Variants in MDFIC2 observed in about 807,000 individuals in gnomAD.
MDFIC2 encodes the protein MyoD family inhibitor domain containing 2.
chr3:70,284,741 A>G (rs1227913990), intron 2 of MDFIC2, among the ~76,000 whole-genome samples: 3 of 152,076 alleles, frequency 2.0e-5, no homozygotes, highest in Non-Finnish European at 4.4e-5. Flanking sequence ...ACTGGGGCCT[A>G]TTGGAGGGTG....
chr3:70,213,097 C>A (rs563238770), intron 2 of MDFIC2, among the ~76,000 whole-genome samples: 1 of 152,146 alleles, frequency 6.6e-6, no homozygotes, highest in East Asian at 1.9e-4. Flanking sequence ...GCATGAGCCA[C>A]CATGTCTGGC....
chr3:70,302,870 A>G (rs186373219), intron 2 of MDFIC2, among the ~76,000 whole-genome samples: 249 of 152,290 alleles, frequency 1.6e-3, no homozygotes, highest in African/African-American at 5.7e-3. Context: ...ATCATTTTAT[A>G]TGAAATGAAC....
chr3:70,242,813 A>C (rs1221451535), intron 2 of MDFIC2, among the ~76,000 whole-genome samples: 3 of 152,102 alleles, frequency 2.0e-5, no homozygotes, highest in Admixed American at 1.3e-4. Flanking sequence ...TTGGTAATCT[A>C]ATTTTTGTCT....
Position 70,261,803 on chromosome 3 carries a change from C to T in MDFIC2, c.88+50083G>A, listed in dbSNP as rs909726509. 1.7e-4 allele frequency among the ~76,000 whole-genome samples: 26 copies of T among 152,142 alleles called. No individual in the cohort carries two copies. In the South Asian group the frequency reaches 2.5e-3, roughly 15 times the overall value. On this transcript the variant is annotated intron_variant, in intron 2 of 3. Coordinates refer to ENST00000567252, the MANE Select transcript of MDFIC2 (RefSeq NM_001364677.1). ...GCATTTGAAACCAAGATTTCCTCCC[C>T]GTGGAACCAAGAAGACTAGGATGTG...
chr3:70,267,394 C>CTTTTTTTTTTTTTTTT (rs9310185), intron 2 of MDFIC2, among the ~76,000 whole-genome samples: 1 of 74,844 alleles, frequency 1.3e-5, no homozygotes, highest in Non-Finnish European at 2.3e-5. Context: ...TTTTTAATAG[C>CTTTTTTTTTTTTTTTT]TTTTTTTTTT....
At chr3:70,251,058 G>C (rs9814331) in intron 2 of MDFIC2, among the ~76,000 whole-genome samples, 150,469 of 152,334 alleles carry the variant, frequency 0.99, 74,326 homozygotes, top group Non-Finnish European at 1. Flanking sequence ...TGCTGTACAC[G>C]GTTGAATCGT....
At chr3:70,302,500 A>G (rs1016832055) in intron 2 of MDFIC2, 2 of 152,182 alleles carry the variant, frequency 1.3e-5, no homozygotes, top group African/African-American at 4.8e-5. Context: ...GATTAAGTGT[A>G]TCACATCAAC....
chr3:70,304,817 A>T (rs938564280), intron 2 of MDFIC2, among the ~76,000 whole-genome samples: 7 of 152,164 alleles, frequency 4.6e-5, no homozygotes, highest in Non-Finnish European at 8.8e-5. Flanking sequence ...AGGCGAAAAA[A>T]ATATCCAGAT....
rs138804424 is a variant in MDFIC2 at position 70,200,347 on chromosome 3, C to A, written c.311-3162G>T. Reference sequence around the variant, plus strand: ...CCTTGCCTTAGCCTACAAGCCCTTGCATGATTGGATTCCTGCCTATTTCTC... The same window carrying A: ...CCTTGCCTTAGCCTACAAGCCCTTGAATGATTGGATTCCTGCCTATTTCTC... On this transcript the variant is annotated intron_variant, in intron 3 of 3. Coordinates refer to ENST00000567252, the MANE Select transcript of MDFIC2 (RefSeq NM_001364677.1). Among the ~76,000 whole-genome samples the A allele has an allele frequency of 2.1e-3, 324 of 152,294 alleles. 1 individual carries two copies. The highest frequency in any genetic ancestry group is 6.7e-3 in the African/African-American group (278 of 41,560).
At chr3:70,293,715 A>G (rs1198725707) in intron 2 of MDFIC2, among the ~76,000 whole-genome samples, 1 of 152,010 alleles carries the variant, frequency 6.6e-6, no homozygotes, top group Non-Finnish European at 1.5e-5. Context: ...AAGTAACAGG[A>G]TTTTTTTAAA....
intron 2 of MDFIC2, among the ~76,000 whole-genome samples, chr3:70,217,180 G>A (rs1475030939): frequency 6.6e-6 from 1 of 152,098 alleles, no homozygotes; most frequent in East Asian, 1.9e-4. Context: ...GAGGACCTGG[G>A]AGACCGTAGG....
chr3:70,250,720 C>A (rs1701757184), intron 2 of MDFIC2, among the ~76,000 whole-genome samples: 2 of 152,164 alleles, frequency 1.3e-5, no homozygotes, highest in African/African-American at 4.8e-5. Flanking sequence ...ACTGGCAATT[C>A]TTTTGTTTGT....
Position 70,301,755 on chromosome 3 carries a change from C to G in MDFIC2, c.88+10131G>C, listed in dbSNP as rs994215814. On this transcript the variant is annotated intron_variant, in intron 2 of 3. Transcript: ENST00000567252. ...TCTCAAGAAGATTTATTTATATAAA[C>G]TTTTCATATTTTATGGAATTTATAT... Among the ~76,000 whole-genome samples, 4 of 152,032 alleles carry G rather than the reference C, an allele frequency of 2.6e-5. No individual in the cohort carries two copies. In the South Asian group the frequency reaches 6.2e-4, roughly 24 times the overall value.
intron 2 of MDFIC2, among the ~76,000 whole-genome samples, chr3:70,235,646 C>T (rs751309949): frequency 1.6e-4 from 25 of 152,110 alleles, no homozygotes; most frequent in Non-Finnish European, 3.2e-4. Context: ...TTCTCTATGA[C>T]CCCTTTGCTG....
At chr3:70,300,256 C>T (rs911765006) in intron 2 of MDFIC2, among the ~76,000 whole-genome samples, 1 of 152,102 alleles carries the variant, frequency 6.6e-6, no homozygotes, top group African/African-American at 2.4e-5. Context: ...GAGTAAACAA[C>T]AATCTAATAC....
chr3:70,234,903 A>G (rs1291930261), intron 2 of MDFIC2, among the ~76,000 whole-genome samples: 1 of 152,106 alleles, frequency 6.6e-6, no homozygotes. Context: ...GCTGCCTTGG[A>G]CATCTTCAGC....
chr3:70,289,011 C>T (rs1411893791), intron 2 of MDFIC2, among the ~76,000 whole-genome samples: 1 of 152,174 alleles, frequency 6.6e-6, no homozygotes, highest in African/African-American at 2.4e-5. Context: ...AAATCTTTAT[C>T]CAGTTTGCCA....
At chr3:70,225,252 A>G (rs1022168006) in intron 2 of MDFIC2, among the ~76,000 whole-genome samples, 51 of 152,318 alleles carry the variant, frequency 3.3e-4, no homozygotes, top group African/African-American at 1.2e-3. Flanking sequence ...ATGTTTTTCA[A>G]TAAACTTTTC....
rs36049168 is a variant in MDFIC2, at chr3:70,196,872, T to G, written c.*54A>C. 1 of 397,814 alleles carries G rather than the reference T, an allele frequency of 2.5e-6. No homozygotes were observed. The highest frequency in any genetic ancestry group is 4.4e-6 in the Non-Finnish European group (1 of 225,860). 24.6% of individuals were successfully genotyped at this position (397,814 alleles called of 1,614,324 possible). ...CACATGGAAATCAGTCTTGTTGTAA[T>G]GGAATTTCCCACCGTGGCCAAAAGG... On this transcript the variant is annotated 3_prime_UTR_variant, in exon 4 of 4. Coordinates refer to ENST00000567252, the MANE Select transcript of MDFIC2 (RefSeq NM_001364677.1).
Sources: gnomAD v4.1 joint callset for allele counts (sites outside exome capture counted in the v4.1 genomes callset) on GRCh38, gnomAD v4.1.1 for gene constraint, MANE v1.5 for transcripts, NCBI Gene and HGNC (gene_info 2026-07-23, HGNC 2026-07-21) for gene names.